The following PDE6B variants were observed in gnomAD, a reference collection of about 807,000 sequenced individuals.
The protein encoded by PDE6B is phosphodiesterase 6B.
A neutral mutation model predicts 109.0 loss-of-function variants in PDE6B; 106 were observed. The ratio of observed to expected loss-of-function variants is 0.97; its 90% CI spans 0.83 to 1.14. PDE6B has a LOEUF of 1.14. PDE6B is among the 50% of genes most tolerant of loss of function. PDE6B has a pLI of 0.00. For missense variants in PDE6B, 1,193 were observed against 1,155.6 expected (o/e 1.03, Z -0.47); for synonymous variants, 490 against 471.3 (o/e 1.04, Z -0.51).
rs1442216837 is a variant in PDE6B at position 666,073 on chromosome 4, C to T, written c.2269-458C>T. ...CCTCCACCAGGACGCTGTGAGGGGACGGACAGCCCAGGGCACTCGGGGTCT... is the reference window on the plus strand; with the variant it reads ...CCTCCACCAGGACGCTGTGAGGGGATGGACAGCCCAGGGCACTCGGGGTCT... On this transcript the variant is annotated intron_variant, in intron 19 of 21. Transcript: ENST00000496514. The surrounding 1 kb of genome is among the most constrained non-coding windows in gnomAD (Gnocchi z 5.6). Among the ~76,000 whole-genome samples, 2 of 152,244 alleles carry T rather than the reference C, an allele frequency of 1.3e-5. No homozygotes were observed. Among genetic ancestry groups the T allele is most frequent in the Middle Eastern group, 3.4e-3 (1 of 294 alleles).
At chr4:669,996 G>A (rs751567742) in intron 21 of PDE6B, 50 bp from the exon 22 acceptor site, 1 of 1,472,842 alleles carries the variant, frequency 6.8e-7, no homozygotes, top group Non-Finnish European at 9.5e-7. Flanking sequence ...AAGGAATAGG[G>A]CTGGTGTGCA....
chr4:663,992 C>A lies in PDE6B; in HGVS notation c.2021+122C>A. On this transcript the variant is annotated intron_variant, in intron 16 of 21. Transcript: ENST00000496514. This position sits in a 1 kb window ranked among gnomAD's most constrained non-coding sequence, Gnocchi z 4.0. The stretch of plus-strand genomic sequence containing the variant: ...CGCAGCCCCGGATTCCGTCCCTGCC[C>A]GCCGGCCCCGCGCACCCCGGATGGG... 1 of 1,104,946 alleles carries A rather than the reference C, an allele frequency of 9.1e-7. No homozygotes were observed. Among genetic ancestry groups the A allele is most frequent in the Non-Finnish European group, 1.4e-6 (1 of 728,092 alleles). The allele number at this position is 1,104,946 out of a possible 1,614,324, so 68.4% of individuals were successfully genotyped here. A position where few individuals can be genotyped will look rare whatever the true frequency, so the allele number is the denominator to read the frequency against.
chr4:654,255 A>T, intron 5 of PDE6B, 101 bp downstream of exon 5: 1 of 1,105,564 alleles, frequency 9.0e-7, no homozygotes, highest in Non-Finnish European at 1.3e-6. Flanking sequence ...GGGTTTAGGG[A>T]GGTGGGAACT....
chr4:647,747 G>A (rs528475834), intron 3 of PDE6B, among the ~76,000 whole-genome samples: 73 of 152,068 alleles, frequency 4.8e-4, no homozygotes, highest in South Asian at 2.9e-3. Context: ...AGTACACAGC[G>A]GGAACCACCC....
intron 1 of PDE6B, among the ~76,000 whole-genome samples, chr4:627,993 T>C (rs1252654980): frequency 2.0e-5 from 3 of 152,070 alleles, no homozygotes; most frequent in Non-Finnish European, 4.4e-5. Context: ...CCCAGTGCCA[T>C]GGCCGCACCT....
At chr4:650,840 G>A (rs1202514872) in intron 3 of PDE6B, among the ~76,000 whole-genome samples, 1 of 152,204 alleles carries the variant, frequency 6.6e-6, no homozygotes, top group Non-Finnish European at 1.5e-5. Flanking sequence ...CGAGCCGGCA[G>A]CGAAAATCCA....
At chr4:629,603 A>C (rs979071926) in intron 1 of PDE6B, among the ~76,000 whole-genome samples, 2 of 151,898 alleles carry the variant, frequency 1.3e-5, no homozygotes, top group African/African-American at 4.8e-5. Context: ...GCCCCAAAAC[A>C]CCTCATCACG....
At chr4:647,124 C>T (rs936476619) in intron 3 of PDE6B, among the ~76,000 whole-genome samples, 2 of 152,072 alleles carry the variant, frequency 1.3e-5, no homozygotes, top group South Asian at 2.1e-4. Context: ...TCCCAAAGCA[C>T]TAGAATTACA....
At position 662,709 on chromosome 4, in the gene PDE6B, A is replaced by C. The variant is rs1737256123; in HGVS notation, c.1832+91A>C. The C allele has an allele frequency of 1.2e-6, 1 of 862,448 alleles. No homozygotes were observed. Among genetic ancestry groups the C allele is most frequent in the South Asian group, 1.4e-5 (1 of 73,512 alleles). The allele number at this position is 862,448 out of a possible 1,614,324, so 53.4% of individuals were successfully genotyped here. ...GGCTTCGCATAGCAGGCTATGTAGA[A>C]AGTGGAGTCCACGGCCAGGCCCCGT... On this transcript the variant is annotated intron_variant, in intron 14 of 21. Coordinates refer to ENST00000496514, the MANE Select transcript of PDE6B (RefSeq NM_000283.4). This position sits in a 1 kb window ranked among gnomAD's most constrained non-coding sequence, Gnocchi z 4.3.
Position 667,804 on chromosome 4 carries a change from C to G in PDE6B, c.2353-52C>G, listed in dbSNP as rs182136597. On this transcript the variant is annotated intron_variant, in intron 20 of 21. Transcript: ENST00000496514. The stretch of plus-strand genomic sequence containing the variant: ...TGAGCTGGGGAAGGGCTATCTTACT[C>G]TGGAGAGAGCAGGCAGGACAGGACT... The G allele has an allele frequency of 6.3e-6, 10 of 1,589,146 alleles. No individual in the cohort carries two copies. In the East Asian group the frequency reaches 1.8e-4, roughly 29 times the overall value.
chr4:665,080 G>A lies in PDE6B; in HGVS notation c.2193+136G>A, dbSNP rs1363387766. On this transcript the variant is annotated intron_variant, in intron 18 of 21. Coordinates refer to ENST00000496514, the MANE Select transcript of PDE6B (RefSeq NM_000283.4). This position sits in a 1 kb window ranked among gnomAD's most constrained non-coding sequence, Gnocchi z 4.0. ...AGGGCCACCTCGGGGCCAGGCCAGGGCGGCAAGGATGGGGGTACTGCAGTG... is the reference window on the plus strand; with the variant it reads ...AGGGCCACCTCGGGGCCAGGCCAGGACGGCAAGGATGGGGGTACTGCAGTG... The A allele has an allele frequency of 5.8e-6, 5 of 858,122 alleles. No homozygotes were observed. Among genetic ancestry groups the A allele is most frequent in the Non-Finnish European group, 9.8e-6 (5 of 510,184 alleles). The allele number at this position is 858,122 out of a possible 1,614,324, so 53.2% of individuals were successfully genotyped here.
rs1255391417 is a variant in PDE6B, at chr4:665,745, G to A, written c.2268+416G>A. 1.3e-5 allele frequency among the ~76,000 whole-genome samples: 2 copies of A among 152,206 alleles called. No homozygotes were observed. Among genetic ancestry groups the A allele is most frequent in the East Asian group, 1.9e-4 (1 of 5,186 alleles). ...ATGCCAGGGTCCTCAGGTCAGCAGC[G>A]GGGTCTGGATACCTCCTGGCAGCAG... On this transcript the variant is annotated intron_variant, in intron 19 of 21. Coordinates refer to ENST00000496514, the MANE Select transcript of PDE6B (RefSeq NM_000283.4). The surrounding 1 kb of genome is among the most constrained non-coding windows in gnomAD (Gnocchi z 4.0).
chr4:629,659 A>C (rs1190421023), intron 1 of PDE6B, among the ~76,000 whole-genome samples: 2 of 152,164 alleles, frequency 1.3e-5, no homozygotes, highest in East Asian at 3.9e-4. Context: ...ACTCAGTCCT[A>C]TGGTGGTCTC....
At chr4:628,823 C>T (rs774771621) in intron 1 of PDE6B, among the ~76,000 whole-genome samples, 2 of 152,228 alleles carry the variant, frequency 1.3e-5, no homozygotes, top group Admixed American at 1.3e-4. Flanking sequence ...AGGGCTTCAG[C>T]TGATGGCTCC....
chr4:630,073 A>C (rs1037452981), intron 1 of PDE6B, among the ~76,000 whole-genome samples: 1 of 152,168 alleles, frequency 6.6e-6, no homozygotes, highest in East Asian at 1.9e-4. Context: ...GCCAGGCATC[A>C]CTACAGGGGA....
At chr4:657,277 G>A (rs1736391065) in intron 9 of PDE6B, 74 bp from the exon 10 acceptor site, 2 of 1,561,082 alleles carry the variant, frequency 1.3e-6, no homozygotes, top group African/African-American at 1.4e-5. Flanking sequence ...CGAGCCACGG[G>A]GCCTGGCACA....
At chr4:629,755 G>A (rs936645534) in intron 1 of PDE6B, among the ~76,000 whole-genome samples, 10 of 152,360 alleles carry the variant, frequency 6.6e-5, no homozygotes, top group South Asian at 4.1e-4. Flanking sequence ...AGGACCGGCC[G>A]TCAGCCATGC....
chr4:635,646 G>T (rs904740879), intron 2 of PDE6B, among the ~76,000 whole-genome samples: 5 of 150,936 alleles, frequency 3.3e-5, no homozygotes, highest in African/African-American at 1.2e-4. Flanking sequence ...TCTGCACATC[G>T]CTGTGCTCCT....
Position 662,627 on chromosome 4 carries a change from C to T in PDE6B, c.1832+9C>T. On this transcript the variant is annotated intron_variant, in intron 14 of 21. Coordinates refer to ENST00000496514, the MANE Select transcript of PDE6B (RefSeq NM_000283.4). This position sits in a 1 kb window ranked among gnomAD's most constrained non-coding sequence, Gnocchi z 4.3. ...AACCTGTACCAGATGAAGTAGGCAC[C>T]TCAGGGCGGGCATGTGAATTAGCCC... The T allele has an allele frequency of 6.5e-7, 1 of 1,531,548 alleles. No individual in the cohort carries two copies. The highest frequency in any genetic ancestry group is 9.0e-7 in the Non-Finnish European group (1 of 1,105,462). 94.9% of individuals were successfully genotyped at this position (1,531,548 alleles called of 1,614,324 possible). A position where few individuals can be genotyped will look rare whatever the true frequency, so the allele number is the denominator to read the frequency against.
Sources: gnomAD v4.1 joint callset for allele counts (sites outside exome capture counted in the v4.1 genomes callset) on GRCh38, gnomAD v4.1.1 for gene constraint, Gnocchi (gnomAD v3.1) non-coding constraint, MANE v1.5 for transcripts, NCBI Gene and HGNC (gene_info 2026-07-23, HGNC 2026-07-21) for gene names.